STARD8: variants seen among roughly 807,000 people sequenced by gnomAD.
STARD8 encodes stAR-related lipid transfer protein 8.
STARD8 carries 25 observed loss-of-function variants against 69.4 expected under a neutral mutation model. That is an observed-to-expected ratio of 0.36 (90% CI 0.26 to 0.50). The LOEUF is 0.50. STARD8 is among the 20% of genes least tolerant of loss of function. The pLI is 0.96. For synonymous variants in STARD8, 389 were observed against 374.6 expected, an observed-to-expected ratio of 1.04 and a Z score of -0.45; for missense variants, 921 against 932.5, an observed-to-expected ratio of 0.99 and a Z score of 0.16.
At chrX:68,689,963 T>TG (rs1483350548) in intron 2 of STARD8, among the ~76,000 whole-genome samples, 3 of 110,018 alleles carry the variant, frequency 2.7e-5, no homozygotes, top group Non-Finnish European at 5.7e-5. Context: ...AGTGCAAATC[T>TG]CCCTCCTATG....
intron 1 of STARD8, among the ~76,000 whole-genome samples, chrX:68,658,665 G>A (rs191507724): frequency 2.3e-4 from 26 of 112,702 alleles, no homozygotes; most frequent in Middle Eastern, 9.2e-3. Flanking sequence ...GACCTGGGAA[G>A]CTCTGGGAGC....
chrX:68,697,865 C>T (rs1241411834), intron 2 of STARD8, among the ~76,000 whole-genome samples: 1 of 112,287 alleles, frequency 8.9e-6, no homozygotes, highest in Non-Finnish European at 1.9e-5. Flanking sequence ...GAGAGAAAGA[C>T]CCCAGGAATG....
At chrX:68,677,101 G>A (rs1342118896) in intron 2 of STARD8, among the ~76,000 whole-genome samples, 1 of 110,994 alleles carries the variant, frequency 9.0e-6, no homozygotes, top group Non-Finnish European at 1.9e-5. Context: ...GGCCGTGATC[G>A]TGGCACTGCA....
At chrX:68,671,021 G>T (rs1332528525) in intron 2 of STARD8, among the ~76,000 whole-genome samples, 3 of 111,601 alleles carry the variant, frequency 2.7e-5, no homozygotes, top group Admixed American at 9.5e-5. Flanking sequence ...CTGCCACCAT[G>T]CTCGCCCTTC....
intron 2 of STARD8, among the ~76,000 whole-genome samples, chrX:68,679,653 G>T (rs1331274367): frequency 8.9e-6 from 1 of 112,280 alleles, no homozygotes; most frequent in Admixed American, 9.4e-5. Context: ...TTCATATGCT[G>T]CTGGGGCCAT....
At position 68,724,998 on chromosome X, in the gene STARD8, C is replaced by T. The variant is rs150077335; in HGVS notation, c.*576C>T. On this transcript the variant is annotated 3_prime_UTR_variant, in exon 15 of 15. Coordinates refer to ENST00000374599, the MANE Select transcript of STARD8 (RefSeq NM_001142503.3). ...ACGAGCTGTTTCATTTGTGTAAATA[C>T]GATGCTGAATTTTATGAGGCTGAGT... is the stretch of plus-strand genomic sequence containing the variant. 1,419 of 111,933 alleles carry T rather than the reference C, an allele frequency of 0.013. 14 individuals carry two copies. Among genetic ancestry groups the T allele is most frequent in the Non-Finnish European group, 0.02 (1,089 of 53,224 alleles). 9.2% of individuals were successfully genotyped at this position (111,933 alleles called of 1,213,427 possible). A position where few individuals can be genotyped will look rare whatever the true frequency, so the allele number is the denominator to read the frequency against.
chrX:68,705,303 T>C (rs1429895743), intron 2 of STARD8, among the ~76,000 whole-genome samples: 2 of 112,026 alleles, frequency 1.8e-5, no homozygotes. Context: ...GCCCACAGGC[T>C]GGGCTGCCTC....
chrX:68,696,922 A>G (rs758425647), intron 2 of STARD8, among the ~76,000 whole-genome samples: 4 of 111,325 alleles, frequency 3.6e-5, no homozygotes, highest in South Asian at 3.8e-4. Flanking sequence ...ACTTCAAAAA[A>G]ATTATTGTGA....
At chrX:68,684,397 C>T (rs993318469) in intron 2 of STARD8, among the ~76,000 whole-genome samples, 2 of 108,107 alleles carry the variant, frequency 1.9e-5, no homozygotes, top group African/African-American at 6.6e-5. Flanking sequence ...CTGGACAGGG[C>T]GGGAGATGCC....
chrX:68,716,450 T>C lies in STARD8; in HGVS notation c.297+19T>C. The C allele has an allele frequency of 5.0e-6, 6 of 1,206,735 alleles. No homozygotes were observed. Among genetic ancestry groups the C allele is most frequent in the Non-Finnish European group, 6.7e-6 (6 of 891,457 alleles). On this transcript the variant is annotated intron_variant, in intron 5 of 14. Transcript: ENST00000374599. ...CAAGCAGGTGAGTCATGGCAAAGCG[T>C]GGGTCTGTGGTCTTGTGGTGCCATA...
intron 2 of STARD8, among the ~76,000 whole-genome samples, chrX:68,665,820 T>C (rs1005521244): frequency 8.9e-6 from 1 of 112,102 alleles, no homozygotes; most frequent in African/African-American, 3.2e-5. Flanking sequence ...CAGCCACCCA[T>C]ATACTTCCCT....
At chrX:68,648,326 T>C (rs2079527394) in intron 1 of STARD8, among the ~76,000 whole-genome samples, 1 of 112,204 alleles carries the variant, frequency 8.9e-6, no homozygotes, top group Non-Finnish European at 1.9e-5. Flanking sequence ...ATCCAGGAGA[T>C]AATGTGTGTA....
intron 2 of STARD8, among the ~76,000 whole-genome samples, chrX:68,684,556 C>T (rs1362617329): frequency 2.7e-5 from 3 of 112,493 alleles, no homozygotes; most frequent in Admixed American, 9.4e-5. Flanking sequence ...TTTCCGCGGG[C>T]GGCGTGGGGG....
chrX:68,703,461 C>T (rs1018246755), intron 2 of STARD8, among the ~76,000 whole-genome samples: 14 of 112,626 alleles, frequency 1.2e-4, no homozygotes, highest in Non-Finnish European at 7.5e-5. Context: ...CCCCAGAGCC[C>T]TAGGCTCCGC....
intron 12 of STARD8, among the ~76,000 whole-genome samples, chrX:68,723,067 C>T (rs751993345): frequency 8.9e-6 from 1 of 112,547 alleles, no homozygotes; most frequent in Non-Finnish European, 1.9e-5. Flanking sequence ...CCATTCAGAA[C>T]CTTCTGTCAT....
At chrX:68,660,499 G>A (rs2079637906) in intron 1 of STARD8, among the ~76,000 whole-genome samples, 1 of 111,462 alleles carries the variant, frequency 9.0e-6, no homozygotes, top group Admixed American at 9.5e-5. Flanking sequence ...ATTGACATGG[G>A]GTTTAAAAGT....
chrX:68,722,269 C>G, intron 11 of STARD8, 108 bp downstream of exon 11: 1 of 841,319 alleles, frequency 1.2e-6, no homozygotes, highest in Non-Finnish European at 1.7e-6. Flanking sequence ...ACATACCCCT[C>G]AAGCTTATAC....
At chrX:68,689,490 A>G (rs1457721521) in intron 2 of STARD8, among the ~76,000 whole-genome samples, 1 of 112,063 alleles carries the variant, frequency 8.9e-6, no homozygotes, top group Non-Finnish European at 1.9e-5. Context: ...TTGGTTGAGG[A>G]GAGATGACAG....
At chrX:68,649,121 CT>C (rs749222963) in intron 1 of STARD8, among the ~76,000 whole-genome samples, 3 of 111,894 alleles carry the variant, frequency 2.7e-5, no homozygotes, top group Non-Finnish European at 5.6e-5. Flanking sequence ...ATGCTGGGAC[CT>C]TTGGGAAGGA....
Sources: gnomAD v4.1 joint callset for allele counts (sites outside exome capture counted in the v4.1 genomes callset) on GRCh38, gnomAD v4.1.1 for gene constraint, MANE v1.5 for transcripts, NCBI Gene and HGNC (gene_info 2026-07-23, HGNC 2026-07-21) for gene names.